ACCSL: variants seen among roughly 807,000 people sequenced by gnomAD.
ACCSL encodes the protein probable inactive 1-aminocyclopropane-1-carboxylate synthase-like protein 2.
In ACCSL, 55 loss-of-function variants were observed where a neutral mutation model predicts 61.7. The observed-to-expected ratio is 0.89, with a 90% CI of 0.72 to 1.12. ACCSL has a LOEUF of 1.12. Among genes scored for constraint, ACCSL ranks in the 50% most tolerant of loss-of-function variants. The probability of loss-of-function intolerance (pLI) is 0.00; values close to 1 mark genes in which losing one functional copy is unlikely to be tolerated. For missense variants in ACCSL, 632 were observed against 698.0 expected, an observed-to-expected ratio of 0.91 and a Z score of 1.07; for synonymous variants, 258 against 264.3, an observed-to-expected ratio of 0.98 and a Z score of 0.23.
the ACCSL span, chr11:43,926,340 G>A: frequency 3.3e-6 from 1 of 302,338 alleles, no homozygotes; most frequent in Non-Finnish European, 6.6e-6. Context: ...TGTCCCCTTG[G>A]GGTCAGTTCT....
chr11:43,996,350 C>T, the ACCSL span, among the ~76,000 whole-genome samples: 2 of 152,080 alleles, frequency 1.3e-5, no homozygotes, highest in Non-Finnish European at 2.9e-5. Context: ...GGGTGTGGAA[C>T]GTGGGTCAGA....
At chr11:44,041,497 G>C in the ACCSL span, among the ~76,000 whole-genome samples, 1 of 152,150 alleles carries the variant, frequency 6.6e-6, no homozygotes, top group South Asian at 2.1e-4. Flanking sequence ...TGCTAGTCTA[G>C]TGTTTACCAA....
At chr11:44,053,785 C>G (rs1952654412) in intron 8 of ACCSL, among the ~76,000 whole-genome samples, 1 of 152,082 alleles carries the variant, frequency 6.6e-6, no homozygotes, top group South Asian at 2.1e-4. Flanking sequence ...TTGCTTGAGC[C>G]CGGGAGGAGG....
intron 1 of ACCSL, among the ~76,000 whole-genome samples, chr11:44,049,419 C>CAA (rs33944147): frequency 0.13 from 4,359 of 33,882 alleles, 620 homozygotes; most frequent in Non-Finnish European, 0.16. Context: ...GACCCTGTCT[C>CAA]AAAAAAAAAA....
chr11:43,925,264 A>C, the ACCSL span: 1 of 415,228 alleles, frequency 2.4e-6, no homozygotes, highest in South Asian at 1.7e-5. Context: ...GTAGGGGACT[A>C]CTTGAGAGTA....
At chr11:44,053,368 G>T in intron 7 of ACCSL, 38 bp from the exon 8 acceptor site, 2 of 1,589,476 alleles carry the variant, frequency 1.3e-6, no homozygotes, top group South Asian at 1.1e-5. Context: ...AGATGCTAAG[G>T]ACTTGTATTC....
At chr11:43,993,074 C>T in the ACCSL span, among the ~76,000 whole-genome samples, 2 of 137,872 alleles carry the variant, frequency 1.5e-5, no homozygotes, top group East Asian at 2.3e-4. Flanking sequence ...AGAGCGGAAT[C>T]ACAGTCTTCC....
At chr11:44,012,906 T>A in the ACCSL span, among the ~76,000 whole-genome samples, 1,006 of 152,320 alleles carry the variant, frequency 6.6e-3, 13 homozygotes, top group African/African-American at 0.023. Context: ...CGTTCCTTCT[T>A]GGTGTCCTTT....
At chr11:44,024,441 C>CTCTCTCTCTGTGTGTGTG in the ACCSL span, among the ~76,000 whole-genome samples, 33 of 132,010 alleles carry the variant, frequency 2.5e-4, no homozygotes, top group Non-Finnish European at 4.2e-4. Flanking sequence ...CTCTCTCTCT[C>CTCTCTCTCTGTGTGTGTG]TGTGTGTGTG....
chr11:43,993,792 C>T, the ACCSL span, among the ~76,000 whole-genome samples: 1 of 152,176 alleles, frequency 6.6e-6, no homozygotes, highest in Admixed American at 6.5e-5. Flanking sequence ...GTCCAGTGGT[C>T]CTCAGTGGGG....
At chr11:43,963,858 T>C in the ACCSL span, among the ~76,000 whole-genome samples, 1 of 152,376 alleles carries the variant, frequency 6.6e-6, no homozygotes, top group East Asian at 1.9e-4. Context: ...TGAGTGACAC[T>C]ATGATATATT....
the ACCSL span, among the ~76,000 whole-genome samples, chr11:43,997,820 G>A: frequency 6.6e-6 from 1 of 152,226 alleles, no homozygotes; most frequent in African/African-American, 2.4e-5. Flanking sequence ...GGATTCAGCA[G>A]TGCTAGCAGC....
At chr11:43,934,310 AG>A in the ACCSL span, among the ~76,000 whole-genome samples, 77 of 152,240 alleles carry the variant, frequency 5.1e-4, no homozygotes, top group East Asian at 6.6e-3. Context: ...CTTTGTGTGG[AG>A]GGCCCCCTGG....
chr11:44,034,114 C>T, the ACCSL span, among the ~76,000 whole-genome samples: 372 of 152,128 alleles, frequency 2.4e-3, no homozygotes, highest in African/African-American at 8.7e-3. Context: ...TCTTTGGGGG[C>T]GTCTAATGCA....
chr11:44,050,642 A>C lies in ACCSL; in HGVS notation c.635+20A>C. Reference sequence around the variant, plus strand: ...GCCATTGTAAGTGACCTTCAGATTTAGAGTCTCTTGGTCCCACAGGCAGCT... The same window carrying C: ...GCCATTGTAAGTGACCTTCAGATTTCGAGTCTCTTGGTCCCACAGGCAGCT... On this transcript the variant is annotated intron_variant, in intron 3 of 13. Transcript: ENST00000378832. 6.2e-7 allele frequency: 1 copy of C among 1,611,928 alleles called. No individual in the cohort carries two copies. Among genetic ancestry groups the C allele is most frequent in the African/African-American group, 1.3e-5 (1 of 74,952 alleles).
At chr11:43,964,383 G>A in the ACCSL span, among the ~76,000 whole-genome samples, 1 of 150,710 alleles carries the variant, frequency 6.6e-6, no homozygotes, top group Admixed American at 6.6e-5. Flanking sequence ...GTGGCAGTGA[G>A]CCCAGATCAC....
chr11:43,952,946 G>T, the ACCSL span, among the ~76,000 whole-genome samples: 1 of 152,206 alleles, frequency 6.6e-6, no homozygotes, highest in Non-Finnish European at 1.5e-5. Flanking sequence ...CCAGAGCGAG[G>T]TCCTCATCGT....
chr11:44,001,251 G>A, the ACCSL span: 1 of 151,676 alleles, frequency 6.6e-6, no homozygotes, highest in African/African-American at 2.4e-5. Flanking sequence ...GGAAAATGTG[G>A]TGAACAATAC....
In ACCSL at chr11:44,056,052, C is replaced by T; in HGVS notation, c.1152C>T (p.Ser384=). 3 of 1,614,212 alleles carry T rather than the reference C, an allele frequency of 1.9e-6. No homozygotes were observed. The highest frequency in any genetic ancestry group is 1.7e-6 in the Non-Finnish European group (2 of 1,180,034). The part of the protein sequence containing the change: ...SILSMKSLPD[S]NRTHVIWGTS... ...ACTTCTTCTTCAGTTTGCCTGATAGCAACAGGACCCATGTGATCTGGGGTA... is the reference window on the plus strand; with the variant it reads ...ACTTCTTCTTCAGTTTGCCTGATAGTAACAGGACCCATGTGATCTGGGGTA... Residue 384 remains serine, a synonymous_variant, in exon 10 of 14, where the codon AGC becomes AGT. Transcript: ENST00000378832.
Sources: gnomAD v4.1 joint callset for allele counts (sites outside exome capture counted in the v4.1 genomes callset) on GRCh38, gnomAD v4.1.1 for gene constraint, MANE v1.5 for transcripts, NCBI Gene and HGNC (gene_info 2026-07-23, HGNC 2026-07-21) for gene names.